CRNN: variants seen among roughly 807,000 people sequenced by gnomAD.
CRNN encodes the protein 53 kDa putative calcium-binding protein.
CRNN carries 39 observed loss-of-function variants against 44.7 expected under a neutral mutation model. The observed-to-expected ratio is 0.87, with a 90% confidence interval of 0.68 to 1.14. The LOEUF is 1.14. CRNN is among the 50% of genes most tolerant of loss of function. CRNN has a pLI of 0.00. For missense variants in CRNN, 606 were observed against 605.1 expected (o/e 1.00, Z -0.02); for synonymous variants, 240 against 231.8 (o/e 1.04, Z -0.32).
chr1:152,410,606 G>A lies in CRNN; in HGVS notation c.476C>T (p.Thr159Ile), dbSNP rs1316597151. ...ATAGCTGCTGACCCACGCAGAGCCA[G>A]TGGCCTGACCCTGGGTCTGAACCCC... ...RPGVQTQGQA[T>I]GSAWVSSYDR... The change falls in exon 3 of 3, where the codon ACT becomes ATT. Residue 159 changes from threonine to isoleucine, a missense_variant. Thr to Ile is a moderately conservative substitution (Grantham distance 89). Transcript: ENST00000271835. 5 of 1,614,130 alleles carry A rather than the reference G, an allele frequency of 3.1e-6. No individual in the cohort carries two copies. Among genetic ancestry groups the A allele is most frequent in the Non-Finnish European group, 4.2e-6 (5 of 1,180,022 alleles).
At chr1:152,411,610 C>G (rs1470779541) in intron 2 of CRNN, among the ~76,000 whole-genome samples, 2 of 152,198 alleles carry the variant, frequency 1.3e-5, no homozygotes, top group Non-Finnish European at 2.9e-5. Flanking sequence ...TAGCTATTAA[C>G]AACCTGCTCT....
chr1:152,409,659 A>G lies in CRNN; in HGVS notation c.1423T>C (p.Ser475Pro). 6.2e-7 allele frequency: 1 copy of G among 1,614,136 alleles called. No homozygotes were observed. ...SSAQGQDAAQ[S>P]EEKRGITARE... ...GCTGTGATGCCTCGCTTCTCTTCTG[A>G]CTGGGCTGCATCCTGGCCCTGTGCT... is the stretch of plus-strand genomic sequence containing the variant. The change falls in exon 3 of 3, where the codon TCA becomes CCA. Residue 475 changes from serine (S) to proline (P), a missense_variant. Coordinates refer to ENST00000271835, the MANE Select transcript of CRNN (RefSeq NM_016190.3).
chr1:152,410,273 G>GT lies in CRNN; in HGVS notation c.808dup (p.Thr270AsnfsTer60). The stretch of plus-strand genomic sequence containing the variant: ...GGTCTGGCTCCTGCCTTGACCGTGG[G>GT]TCTCAGTCCCTCTGTTCTGGTCATT... On this transcript the variant is annotated frameshift_variant, in exon 3 of 3. Coordinates refer to ENST00000271835, the MANE Select transcript of CRNN (RefSeq NM_016190.3). LOFTEE classifies it high-confidence loss of function. 1 of 1,609,182 alleles carries GT rather than the reference G, an allele frequency of 6.2e-7. No homozygotes were observed. Among genetic ancestry groups the GT allele is most frequent in the East Asian group, 2.2e-5 (1 of 44,620 alleles).
rs769539594 is a variant in CRNN, at chr1:152,412,128, G to A, written c.106C>T (p.Leu36Phe). The change falls in exon 2 of 3, where the codon CTC becomes TTC. Residue 36 changes from leucine (L) to phenylalanine (F), a missense_variant. Coordinates refer to ENST00000271835, the MANE Select transcript of CRNN (RefSeq NM_016190.3). ...TALTRGELKR[L>F]LEQEFADVIV... Reference sequence around the variant, plus strand: ...ACATCGGCAAACTCTTGCTCCAAGAGTCTTTTCAGCTCCCCTCGGGTGAGC... The same window carrying A: ...ACATCGGCAAACTCTTGCTCCAAGAATCTTTTCAGCTCCCCTCGGGTGAGC... 241 of 1,612,086 alleles carry A rather than the reference G, an allele frequency of 1.5e-4. 1 individual carries two copies. Among genetic ancestry groups the A allele is most frequent in the Middle Eastern group, 9.9e-4 (6 of 6,040 alleles).
At chr1:152,413,687 T>C (rs746283392) in intron 1 of CRNN, among the ~76,000 whole-genome samples, 1 of 152,174 alleles carries the variant, frequency 6.6e-6, no homozygotes, top group Non-Finnish European at 1.5e-5. Context: ...TTTAAAACCA[T>C]GTAGCAGACT....
chr1:152,412,154 G>T lies in CRNN; in HGVS notation c.80C>A (p.Ala27Glu), dbSNP rs35639220. 1 of 1,613,434 alleles carries T rather than the reference G, an allele frequency of 6.2e-7. No individual in the cohort carries two copies. The highest frequency in any genetic ancestry group is 8.5e-7 in the Non-Finnish European group (1 of 1,179,626). The change falls in exon 2 of 3, where the codon GCG becomes GAG. Residue 27 changes from alanine to glutamate, a missense_variant. Coordinates refer to ENST00000271835, the MANE Select transcript of CRNN (RefSeq NM_016190.3). ...TCTTTTCAGCTCCCCTCGGGTGAGC[G>T]CTGTGCAGTTGCCCTCCGTCCTTGC... Reference protein sequence around the residue: ...RYARTEGNCTALTRGELKRLL... With the variant: ...RYARTEGNCTELTRGELKRLL...
chr1:152,412,360 C>G (rs1349057752), intron 1 of CRNN, 114 bp from the exon 2 acceptor site: 3 of 1,047,546 alleles, frequency 2.9e-6, no homozygotes, highest in Non-Finnish European at 4.2e-6. Context: ...TTTTAGTTTT[C>G]CTTTGTCCTT....
rs1557915208 is a variant in CRNN at position 152,410,677 on chromosome 1, G to A, written c.405C>T (p.Ser135=). The change falls in exon 3 of 3, where the codon AGC becomes AGT. Residue 135 remains serine (S), a synonymous_variant. Transcript: ENST00000271835. ...AACCCTGCTGGCTCTGTCTGTGGCT[G>A]CTCCCCTCATAATGCTGCCCTTTCC... ...RAGKGQHYEG[S]SHRQSQQGSR... 1 of 1,614,016 alleles carries A rather than the reference G, an allele frequency of 6.2e-7. No homozygotes were observed. The highest frequency in any genetic ancestry group is 8.5e-7 in the Non-Finnish European group (1 of 1,179,954).
At position 152,409,716 on chromosome 1, in the gene CRNN, C is replaced by G; in HGVS notation, c.1366G>C (p.Asp456His). 6.2e-7 allele frequency: 1 copy of G among 1,614,190 alleles called. No individual in the cohort carries two copies. Among genetic ancestry groups the G allele is most frequent in the Non-Finnish European group, 8.5e-7 (1 of 1,180,034 alleles). The stretch of plus-strand genomic sequence containing the variant: ...ACACTGGTATGCAAGTTGCCCTGGT[C>G]CAGCCTGAGGATCACTGTCTCCCTT... ...HSRETVILRL[D>H]QGNLHTSVSS... The change falls in exon 3 of 3, where the codon GAC becomes CAC. Residue 456 changes from aspartate (D) to histidine (H), a missense_variant. Physicochemically the swap from Asp to His is moderately conservative, Grantham distance 81. Coordinates refer to ENST00000271835, the MANE Select transcript of CRNN (RefSeq NM_016190.3).
chr1:152,409,951 G>C lies in CRNN; in HGVS notation c.1131C>G (p.Thr377=), dbSNP rs540368190. 1 of 1,614,058 alleles carries C rather than the reference G, an allele frequency of 6.2e-7. No individual in the cohort carries two copies. Among genetic ancestry groups the C allele is most frequent in the Non-Finnish European group, 8.5e-7 (1 of 1,180,016 alleles). ...TTTGACCACTGCCTGGCTGCGTCTGGGTCTGTCCCTGTTCTCTAGCCCCTC... is the reference window on the plus strand; with the variant it reads ...TTTGACCACTGCCTGGCTGCGTCTGCGTCTGTCCCTGTTCTCTAGCCCCTC... ...SHGGAREQGQ[T]QTQPGSGQRW... Residue 377 remains threonine (T), a synonymous_variant, in exon 3 of 3, where the codon ACC becomes ACG. Coordinates refer to ENST00000271835, the MANE Select transcript of CRNN (RefSeq NM_016190.3).
At chr1:152,411,050 A>G in intron 2 of CRNN, 107 bp from the exon 3 acceptor site, 1 of 1,465,682 alleles carries the variant, frequency 6.8e-7, no homozygotes, top group East Asian at 2.4e-5. Context: ...CACACTACAC[A>G]CACATACGGC....
chr1:152,412,157 G>A lies in CRNN; in HGVS notation c.77C>T (p.Thr26Ile). Residue 26 changes from threonine (T) to isoleucine (I), a missense_variant, in exon 2 of 3, where the codon ACA (threonine) becomes ATA (isoleucine). Transcript: ENST00000271835. Reference protein sequence around the residue: ...RRYARTEGNCTALTRGELKRL... With the variant: ...RRYARTEGNCIALTRGELKRL... The stretch of plus-strand genomic sequence containing the variant: ...TTTCAGCTCCCCTCGGGTGAGCGCT[G>A]TGCAGTTGCCCTCCGTCCTTGCATA... 5.6e-6 allele frequency: 9 copies of A among 1,613,762 alleles called. No individual in the cohort carries two copies. Among genetic ancestry groups the A allele is most frequent in the Non-Finnish European group, 7.6e-6 (9 of 1,179,696 alleles).
Position 152,409,932 on chromosome 1 carries a change from C to G in CRNN, c.1150G>C (p.Gly384Arg). The change falls in exon 3 of 3, where the codon GGT becomes CGT. Residue 384 changes from glycine to arginine, a missense_variant. Coordinates refer to ENST00000271835, the MANE Select transcript of CRNN (RefSeq NM_016190.3). ...TTGCTCACTTGCATCCATCTTTGAC[C>G]ACTGCCTGGCTGCGTCTGGGTCTGT... is the stretch of plus-strand genomic sequence containing the variant. ...QGQTQTQPGS[G>R]QRWMQVSNPE... The G allele has an allele frequency of 6.2e-7, 1 of 1,614,220 alleles. No homozygotes were observed. The highest frequency in any genetic ancestry group is 8.5e-7 in the Non-Finnish European group (1 of 1,180,048).
intron 2 of CRNN, 37 bp downstream of exon 2, chr1:152,412,059 G>T: frequency 6.4e-7 from 1 of 1,567,630 alleles, no homozygotes; most frequent in Admixed American, 1.7e-5. Context: ...TCACTCTCCT[G>T]CTATGTCCCC....
At position 152,409,618 on chromosome 1, in the gene CRNN, G is replaced by A. The variant is rs750968936; in HGVS notation, c.1464C>T (p.Ser488=). ...KRGITARELY[S]YLRSTKP ...GTCATGGCTTGGTGCTTCTCAAGTA[G>A]GAATACAGCTCTCTAGCTGTGATGC... Residue 488 remains serine (S), a synonymous_variant, in exon 3 of 3, where the codon TCC becomes TCT. Coordinates refer to ENST00000271835, the MANE Select transcript of CRNN (RefSeq NM_016190.3). The A allele has an allele frequency of 3.1e-6, 5 of 1,612,680 alleles. No individual in the cohort carries two copies. The highest frequency in any genetic ancestry group is 4.2e-6 in the Non-Finnish European group (5 of 1,179,334).
Position 152,409,648 on chromosome 1 carries a change from C to T in CRNN, c.1434G>A (p.Lys478=). The T allele has an allele frequency of 6.2e-7, 1 of 1,614,152 alleles. No homozygotes were observed. The highest frequency in any genetic ancestry group is 8.5e-7 in the Non-Finnish European group (1 of 1,179,998). Residue 478 remains lysine, a synonymous_variant, in exon 3 of 3, where the codon AAG becomes AAA. Transcript: ENST00000271835. The stretch of plus-strand genomic sequence containing the variant: ...ACAGCTCTCTAGCTGTGATGCCTCG[C>T]TTCTCTTCTGACTGGGCTGCATCCT... ...QGQDAAQSEE[K]RGITARELYS...
Position 152,410,451 on chromosome 1 carries a change from G to C in CRNN, c.631C>G (p.Gln211Glu). 2 of 1,614,180 alleles carry C rather than the reference G, an allele frequency of 1.2e-6. No individual in the cohort carries two copies. Among genetic ancestry groups the C allele is most frequent in the Non-Finnish European group, 1.7e-6 (2 of 1,180,036 alleles). Residue 211 changes from glutamine (Q) to glutamate (E), a missense_variant, in exon 3 of 3, where the codon CAG becomes GAG. Transcript: ENST00000271835. The part of the protein sequence containing the change: ...NQTTEMRPER[Q>E]PQTREQDRAH... ...CTGTCCTGTTCCCTGGTCTGTGGCT[G>C]TCTCTCTGGCCTCATCTCTGTTGTC...
intron 1 of CRNN, among the ~76,000 whole-genome samples, chr1:152,413,773 C>T (rs1010305428): frequency 5.9e-5 from 9 of 152,128 alleles, no homozygotes; most frequent in African/African-American, 2.2e-4. Context: ...GAAAAATCTA[C>T]ACATATTTTG....
In CRNN at chr1:152,409,338, G is replaced by T; in HGVS notation, c.*256C>A. ...GTCCTGAAACCCCCCACAAGATGAGGACAATTCAGTACAAAGGGGTGACTT... is the reference window on the plus strand; with the variant it reads ...GTCCTGAAACCCCCCACAAGATGAGTACAATTCAGTACAAAGGGGTGACTT... On this transcript the variant is annotated 3_prime_UTR_variant, in exon 3 of 3. Transcript: ENST00000271835. 2 of 538,770 alleles carry T rather than the reference G, an allele frequency of 3.7e-6. No individual in the cohort carries two copies. The highest frequency in any genetic ancestry group is 3.1e-6 in the Non-Finnish European group (1 of 318,004). The allele number at this position is 538,770 out of a possible 1,614,324, so 33.4% of individuals were successfully genotyped here.
Sources: allele counts gnomAD v4.1 joint callset (sites outside exome capture counted in the v4.1 genomes callset), GRCh38; gene constraint gnomAD v4.1.1; transcripts MANE v1.5; gene names NCBI Gene and HGNC (gene_info 2026-07-23, HGNC 2026-07-21).